NAALADL2: variants seen among roughly 807,000 people sequenced by gnomAD.
NAALADL2 encodes inactive N-acetylated-alpha-linked acidic dipeptidase-like protein 2.
NAALADL2 carries 76 observed loss-of-function variants against 87.2 expected under a neutral mutation model. The ratio of observed to expected loss-of-function variants is 0.87; its 90% CI spans 0.72 to 1.05. The LOEUF (loss-of-function observed/expected upper bound fraction) is 1.05. Ranked by LOEUF, NAALADL2 falls within the 50% of genes least tolerant of loss-of-function variation. The pLI is 0.00. For synonymous variants in NAALADL2, 354 were observed against 331.0 expected, an observed-to-expected ratio of 1.07 and a Z score of -0.75; for missense variants, 1,089 against 945.8, an observed-to-expected ratio of 1.15 and a Z score of -1.99.
intron 10 of NAALADL2, among the ~76,000 whole-genome samples, chr3:175,584,314 G>A (rs10439969): frequency 0.15 from 22,604 of 152,060 alleles, 1,811 homozygotes; most frequent in Middle Eastern, 0.18. Context: ...TGGGATTACA[G>A]GTGTGAGCTA....
intron 1 of NAALADL2, among the ~76,000 whole-genome samples, chr3:174,981,291 A>G (rs1046986829): frequency 1.3e-5 from 2 of 152,218 alleles, no homozygotes; most frequent in Non-Finnish European, 2.9e-5. Flanking sequence ...ACTGAGCATT[A>G]TAAATACGGA....
At chr3:174,498,929 C>A (rs1348457600) in intron 1 of NAALADL2, among the ~76,000 whole-genome samples, 1 of 151,838 alleles carries the variant, frequency 6.6e-6, no homozygotes, top group African/African-American at 2.4e-5. Context: ...GTTTTAGTAA[C>A]CTGCAGTAAA....
intron 4 of NAALADL2, among the ~76,000 whole-genome samples, chr3:175,299,165 A>C (rs998865646): frequency 1.1e-4 from 17 of 152,194 alleles, no homozygotes; most frequent in Non-Finnish European, 1.5e-5. Flanking sequence ...GGTTTTGGTT[A>C]CTGTAGCCTT....
chr3:174,836,708 CAAAAA>C (rs36091749), intron 3 of NAALADL2, among the ~76,000 whole-genome samples: 180 of 65,376 alleles, frequency 2.8e-3, no homozygotes, highest in Middle Eastern at 0.012. Context: ...GACTCCGTCT[CAAAAA>C]AAAAAAAAAA....
rs573745972 is a variant in NAALADL2 at position 175,002,759 on chromosome 3, T to G, written c.44-94031T>G. 3.3e-5 allele frequency among the ~76,000 whole-genome samples: 5 copies of G among 152,302 alleles called. No homozygotes were observed. The South Asian group carries it at 1.0e-3, about 32-fold the overall frequency. ...TGATGCAAGAACATGTCTACAATGCTAAAGAAACATCACTGTTTTGGTATT... is the reference window on the plus strand; with the variant it reads ...TGATGCAAGAACATGTCTACAATGCGAAAGAAACATCACTGTTTTGGTATT... On this transcript the variant is annotated intron_variant, in intron 1 of 13. Transcript: ENST00000454872.
chr3:174,679,076 G>C (rs559546287), intron 2 of NAALADL2, among the ~76,000 whole-genome samples: 1 of 152,040 alleles, frequency 6.6e-6, no homozygotes, highest in Middle Eastern at 3.2e-3. Context: ...CCAAACCTTT[G>C]CACTGGTATC....
chr3:175,576,267 A>G, intron 10 of NAALADL2, 80 bp downstream of exon 10: 1 of 1,287,742 alleles, frequency 7.8e-7, no homozygotes, highest in Non-Finnish European at 1.1e-6. Context: ...TGGCTATTCA[A>G]TTTTCATATC....
intron 2 of NAALADL2, among the ~76,000 whole-genome samples, chr3:174,604,171 G>C (rs1718742892): frequency 1.3e-5 from 2 of 152,080 alleles, no homozygotes; most frequent in African/African-American, 2.4e-5. Flanking sequence ...GCTGATAGTG[G>C]GATGTTGGGG....
chr3:174,833,644 A>G (rs1267568184), intron 3 of NAALADL2, among the ~76,000 whole-genome samples: 2 of 152,164 alleles, frequency 1.3e-5, no homozygotes, highest in Non-Finnish European at 2.9e-5. Context: ...AAATCTGAAC[A>G]TACATATCAT....
intron 1 of NAALADL2, among the ~76,000 whole-genome samples, chr3:175,085,417 A>G (rs1213538838): frequency 6.6e-6 from 1 of 152,142 alleles, no homozygotes; most frequent in East Asian, 1.9e-4. Flanking sequence ...TATTGTTATC[A>G]TAATTTTTGT....
At chr3:175,452,142 A>T (rs1721667752) in intron 6 of NAALADL2, among the ~76,000 whole-genome samples, 1 of 152,202 alleles carries the variant, frequency 6.6e-6, no homozygotes, top group African/African-American at 2.4e-5. Flanking sequence ...ATATGAAACT[A>T]ATCAATGTGT....
At chr3:175,562,777 GC>G (rs1716477837) in intron 9 of NAALADL2, among the ~76,000 whole-genome samples, 1 of 94,528 alleles carries the variant, frequency 1.1e-5, no homozygotes. Context: ...CTTTTACTCA[GC>G]CTAAACCCAA....
At chr3:174,906,792 T>A (rs191521394) in intron 1 of NAALADL2, among the ~76,000 whole-genome samples, 2 of 152,232 alleles carry the variant, frequency 1.3e-5, no homozygotes, top group Admixed American at 6.5e-5. Flanking sequence ...TGTTTGATGT[T>A]TTAAGTTGTA....
chr3:175,780,275 CAAAAA>C (rs541348455), intron 13 of NAALADL2, among the ~76,000 whole-genome samples: 1 of 126,268 alleles, frequency 7.9e-6, no homozygotes, highest in Non-Finnish European at 1.7e-5. Flanking sequence ...GACTCTGTCT[CAAAAA>C]AAAAAAACCA....
At chr3:174,972,199 A>C (rs1051428600) in intron 1 of NAALADL2, among the ~76,000 whole-genome samples, 2 of 152,182 alleles carry the variant, frequency 1.3e-5, no homozygotes, top group Admixed American at 6.5e-5. Flanking sequence ...CAGTATTATA[A>C]GTTAATCAGT....
intron 9 of NAALADL2, among the ~76,000 whole-genome samples, chr3:175,507,860 T>C (rs1730568824): frequency 1.3e-5 from 2 of 152,226 alleles, no homozygotes; most frequent in African/African-American, 4.8e-5. Context: ...GGTTTTTTCT[T>C]CTTTTTCTTC....
chr3:174,864,807 C>T (rs906559907), intron 1 of NAALADL2, among the ~76,000 whole-genome samples: 2 of 151,964 alleles, frequency 1.3e-5, no homozygotes, highest in Non-Finnish European at 2.9e-5. Context: ...TTCTTTGTAT[C>T]ACAGTTTTTT....
chr3:175,504,346 A>AT (rs1035295943), intron 9 of NAALADL2, among the ~76,000 whole-genome samples: 15 of 152,150 alleles, frequency 9.9e-5, no homozygotes, highest in African/African-American at 3.6e-4. Context: ...GATGACATGA[A>AT]TTTTGGGGGG....
chr3:174,449,618 G>A (rs1715330979), intron 1 of NAALADL2, among the ~76,000 whole-genome samples: 1 of 152,084 alleles, frequency 6.6e-6, no homozygotes, highest in Non-Finnish European at 1.5e-5. Context: ...ATGCATCTTA[G>A]TTTTAATAGT....
Sources: allele counts gnomAD v4.1 joint callset (sites outside exome capture counted in the v4.1 genomes callset), GRCh38; gene constraint gnomAD v4.1.1; transcripts MANE v1.5; gene names NCBI Gene and HGNC (gene_info 2026-07-23, HGNC 2026-07-21).